ATF2: variants seen among roughly 807,000 people sequenced by gnomAD.
ATF2 encodes activating transcription factor 2.
ATF2 carries 24 observed loss-of-function variants against 60.6 expected under a neutral mutation model. The observed-to-expected ratio is 0.40, with a 90% CI of 0.29 to 0.56. The LOEUF is 0.56. Ranked by LOEUF, ATF2 falls within the 20% of genes least tolerant of loss-of-function variation. The pLI is 0.54. For missense variants in ATF2, 433 were observed against 607.7 expected (o/e 0.71, Z 3.02); for synonymous variants, 206 against 215.4 (o/e 0.96, Z 0.38).
chr2:175,096,216 T>C, intron 11 of ATF2, among the ~76,000 whole-genome samples: 1 of 152,166 alleles, frequency 6.6e-6, no homozygotes, highest in East Asian at 1.9e-4. Flanking sequence ...AGGAGTACAA[T>C]AATCCTTTAC....
rs1371621433 is a variant in ATF2 at position 175,080,711 on chromosome 2, C to G, written c.1240G>C (p.Ala414Pro). 3 of 1,613,116 alleles carry G rather than the reference C, an allele frequency of 1.9e-6. No homozygotes were observed. The change falls in exon 13 of 14, where the codon GCT (alanine) becomes CCT (proline). Residue 414 changes from alanine (A) to proline (P), a missense_variant. Ala to Pro is a conservative substitution (Grantham distance 27). Coordinates refer to ENST00000264110, the MANE Select transcript of ATF2 (RefSeq NM_001880.4). ...EVAQLKQLLL[A>P]HKDCPVTAMQ... is the part of the protein sequence containing the mutation. ...GCGGTTACAGGGCAATCTTTATGAG[C>G]CAGAAGAAGCTGTTTCAGCTGTGCC... is the stretch of plus-strand genomic sequence containing the variant.
At chr2:175,087,402 G>A (rs35522805) in intron 12 of ATF2, among the ~76,000 whole-genome samples, 10,612 of 152,072 alleles carry the variant, frequency 0.07, 376 homozygotes, top group East Asian at 0.13. Context: ...CTCTACCACC[G>A]CTCCACTCTA....
intron 2 of ATF2, among the ~76,000 whole-genome samples, chr2:175,144,570 A>C (rs1396493531): frequency 6.6e-6 from 1 of 152,246 alleles, no homozygotes; most frequent in Non-Finnish European, 1.5e-5. Context: ...AGAGAAAACA[A>C]ATATAGAGTG....
chr2:175,095,287 C>T (rs1018715293), intron 11 of ATF2, among the ~76,000 whole-genome samples: 3 of 151,900 alleles, frequency 2.0e-5, no homozygotes, highest in East Asian at 1.9e-4. Context: ...TTAGTAGAGA[C>T]GGGGTTTCAC....
At chr2:175,091,378 A>G (rs1694536849) in intron 12 of ATF2, among the ~76,000 whole-genome samples, 1 of 152,222 alleles carries the variant, frequency 6.6e-6, no homozygotes. Context: ...GAACAGAAAA[A>G]AAATACACAT....
chr2:175,145,948 T>A (rs1035692617), intron 2 of ATF2, among the ~76,000 whole-genome samples: 3 of 152,216 alleles, frequency 2.0e-5, no homozygotes, highest in African/African-American at 7.2e-5. Flanking sequence ...CAAAGTATTA[T>A]ATCTCCCTAT....
chr2:175,119,755 G>A (rs1202202858), intron 5 of ATF2, among the ~76,000 whole-genome samples: 2 of 151,552 alleles, frequency 1.3e-5, no homozygotes, highest in African/African-American at 4.8e-5. Flanking sequence ...ATCTAAATGT[G>A]ACTCTTCTGT....
chr2:175,159,613 T>G (rs1288884895), intron 1 of ATF2, among the ~76,000 whole-genome samples: 1 of 152,226 alleles, frequency 6.6e-6, no homozygotes, highest in African/African-American at 2.4e-5. Context: ...GACTGTATTA[T>G]GAGTATGTGA....
At chr2:175,153,182 C>A (rs986171142) in intron 1 of ATF2, among the ~76,000 whole-genome samples, 1 of 152,148 alleles carries the variant, frequency 6.6e-6, no homozygotes, top group African/African-American at 2.4e-5. Flanking sequence ...AGATAATCAC[C>A]CAGACTTTGA....
At chr2:175,157,087 T>A (rs758746899) in intron 1 of ATF2, among the ~76,000 whole-genome samples, 24 of 152,180 alleles carry the variant, frequency 1.6e-4, no homozygotes, top group South Asian at 1.0e-3. Context: ...ATGTCCTGGG[T>A]TTTCGTGAAA....
At chr2:175,167,819 A>C in intron 1 of ATF2, 1 of 434,586 alleles carries the variant, frequency 2.3e-6, no homozygotes, top group Admixed American at 2.4e-5. Flanking sequence ...AACGCTGGTT[A>C]CCTAACGGTC....
chr2:175,163,080 G>A (rs1700121478), intron 1 of ATF2, among the ~76,000 whole-genome samples: 2 of 152,034 alleles, frequency 1.3e-5, no homozygotes, highest in African/African-American at 4.8e-5. Flanking sequence ...CTTGCAGTGA[G>A]CCAAGATCGT....
At chr2:175,130,115 A>T in intron 4 of ATF2, 23 bp downstream of exon 4, 1 of 1,487,370 alleles carries the variant, frequency 6.7e-7, no homozygotes, top group Non-Finnish European at 9.2e-7. Flanking sequence ...ATACAAAATA[A>T]TTTAAAGTAA....
chr2:175,117,433 A>G (rs1253281185), intron 7 of ATF2, among the ~76,000 whole-genome samples: 2 of 151,940 alleles, frequency 1.3e-5, no homozygotes, highest in Non-Finnish European at 2.9e-5. Context: ...CTCCCAAATA[A>G]ATATGTGCTT....
At chr2:175,166,789 G>GT (rs892829430) in intron 1 of ATF2, among the ~76,000 whole-genome samples, 4 of 152,286 alleles carry the variant, frequency 2.6e-5, no homozygotes, top group African/African-American at 9.6e-5. Context: ...AAGAAAGTCA[G>GT]TTTTTGTTCT....
intron 12 of ATF2, chr2:175,092,716 C>A: frequency 5.6e-6 from 2 of 355,010 alleles, no homozygotes; most frequent in Non-Finnish European, 1.1e-5. Context: ...GTGCTATAAA[C>A]CAAAAAAATA....
At chr2:175,092,723 A>C in intron 12 of ATF2, 1 of 362,812 alleles carries the variant, frequency 2.8e-6, no homozygotes. Context: ...AAACCAAAAA[A>C]ATAGACAAGA....
At chr2:175,077,902 AC>A (rs1482453812) in intron 13 of ATF2, among the ~76,000 whole-genome samples, 1 of 152,204 alleles carries the variant, frequency 6.6e-6, no homozygotes, top group African/African-American at 2.4e-5. Flanking sequence ...TTCCAGCTCT[AC>A]CTAAGCTAAA....
intron 13 of ATF2, among the ~76,000 whole-genome samples, chr2:175,078,539 G>C (rs1416282163): frequency 6.6e-6 from 1 of 152,152 alleles, no homozygotes; most frequent in Non-Finnish European, 1.5e-5. Flanking sequence ...CGACTGAGGG[G>C]TCTTCTTAGG....
Sources: gnomAD v4.1 joint callset for allele counts (sites outside exome capture counted in the v4.1 genomes callset) on GRCh38, gnomAD v4.1.1 for gene constraint, MANE v1.5 for transcripts, NCBI Gene and HGNC (gene_info 2026-07-23, HGNC 2026-07-21) for gene names.